The following ENOX1 variants were observed in gnomAD, a reference collection of about 807,000 sequenced individuals.
ENOX1 encodes the protein candidate growth-related and time keeping constitutive hydroquinone (NADH) oxidase.
A neutral mutation model predicts 82.5 loss-of-function variants in ENOX1; 42 were observed. That is an observed-to-expected ratio of 0.51 (90% CI 0.40 to 0.66). ENOX1 has a LOEUF of 0.66. Among genes scored for constraint, ENOX1 ranks in the 30% least tolerant of loss-of-function variants. The pLI is 0.00. For synonymous variants in ENOX1, 271 were observed against 282.2 expected (o/e 0.96, Z 0.40); for missense variants, 608 against 811.6 (o/e 0.75, Z 3.05).
chr13:43,458,948 C>T (rs907257223), intron 3 of ENOX1: 1 of 152,258 alleles, frequency 6.6e-6, no homozygotes, highest in South Asian at 2.1e-4. Flanking sequence ...TATTGACATA[C>T]TTTGGAAAAG....
intron 2 of ENOX1, among the ~76,000 whole-genome samples, chr13:43,498,635 A>G (rs2076874503): frequency 6.6e-6 from 1 of 152,090 alleles, no homozygotes; most frequent in Admixed American, 6.6e-5. Context: ...AAATTTAAAA[A>G]AAAAGATGGA....
In ENOX1 at chr13:43,773,598, A is replaced by G. The variant is rs146274589; in HGVS notation, c.-285+13054T>C. 1.3e-3 allele frequency among the ~76,000 whole-genome samples: 193 copies of G among 152,274 alleles called. No homozygotes were observed. The Middle Eastern group carries it at 0.014, about 11-fold the overall frequency. ...TCTGGACTTCATACTTGGGACTCTC[A>G]CCTGGATAACCCCAACCACCCTTCA... On this transcript the variant is annotated intron_variant, in intron 1 of 16. Coordinates refer to ENST00000690772, the MANE Select transcript of ENOX1 (RefSeq NM_001347969.2).
At chr13:43,382,428 A>C (rs1422491213) in intron 5 of ENOX1, among the ~76,000 whole-genome samples, 3 of 152,158 alleles carry the variant, frequency 2.0e-5, no homozygotes, top group African/African-American at 7.2e-5. Flanking sequence ...GAAACAAGGC[A>C]AGGATATCCA....
intron 15 of ENOX1, among the ~76,000 whole-genome samples, chr13:43,234,726 A>G (rs2042441187): frequency 6.6e-6 from 1 of 152,244 alleles, no homozygotes; most frequent in African/African-American, 2.4e-5. Flanking sequence ...AGCATGTTAT[A>G]AATGTAATCT....
At chr13:43,386,196 T>A (rs1359454764) in intron 5 of ENOX1, among the ~76,000 whole-genome samples, 1 of 152,088 alleles carries the variant, frequency 6.6e-6, no homozygotes, top group Non-Finnish European at 1.5e-5. Flanking sequence ...AAACTTTCCT[T>A]GGTACATTCT....
In ENOX1 at chr13:43,374,667, C is replaced by T. The variant is rs565371807; in HGVS notation, c.209-13215G>A. Among the ~76,000 whole-genome samples, 18 of 152,310 alleles carry T rather than the reference C, an allele frequency of 1.2e-4. No homozygotes were observed. The South Asian group carries it at 3.7e-3, about 32-fold the overall frequency. ...AGAAGCATCTAGTTTTGAATTGTTA[C>T]TATGCTTTTATGCAGTGCTATGTTT... On this transcript the variant is annotated intron_variant, in intron 5 of 16. Coordinates refer to ENST00000690772, the MANE Select transcript of ENOX1 (RefSeq NM_001347969.2).
intron 2 of ENOX1, among the ~76,000 whole-genome samples, chr13:43,493,345 T>C (rs754361041): frequency 2.6e-5 from 4 of 152,190 alleles, no homozygotes; most frequent in Admixed American, 6.5e-5. Context: ...GAGAAGCTGA[T>C]AGCAAGGCTC....
intron 5 of ENOX1, among the ~76,000 whole-genome samples, chr13:43,364,135 C>G (rs2050696128): frequency 6.6e-6 from 1 of 152,122 alleles, no homozygotes; most frequent in Non-Finnish European, 1.5e-5. Flanking sequence ...ATTGTTTTCT[C>G]TAACAGCACA....
chr13:43,666,250 A>C (rs1018325565), intron 2 of ENOX1, among the ~76,000 whole-genome samples: 1 of 152,118 alleles, frequency 6.6e-6, no homozygotes, highest in African/African-American at 2.4e-5. Context: ...GCTCAATAAA[A>C]CCAAGTGAAA....
intron 3 of ENOX1, among the ~76,000 whole-genome samples, chr13:43,463,611 T>C (rs200616853): frequency 2.4e-4 from 36 of 152,192 alleles, no homozygotes; most frequent in Admixed American, 4.6e-4. Flanking sequence ...ACAGTACTTA[T>C]TTCATTTACT....
At chr13:43,480,789 A>G (rs2058476934) in intron 3 of ENOX1, among the ~76,000 whole-genome samples, 1 of 152,172 alleles carries the variant, frequency 6.6e-6, no homozygotes, top group Non-Finnish European at 1.5e-5. Flanking sequence ...ACCTACCAAG[A>G]CTAAATAGAG....
At chr13:43,606,146 A>T (rs1014964461) in intron 2 of ENOX1, among the ~76,000 whole-genome samples, 3 of 152,232 alleles carry the variant, frequency 2.0e-5, no homozygotes, top group African/African-American at 7.2e-5. Context: ...TTTAGCCAAA[A>T]GTCAGGCAAT....
intron 3 of ENOX1, among the ~76,000 whole-genome samples, chr13:43,455,480 T>G (rs143456880): frequency 1.3e-5 from 2 of 152,220 alleles, no homozygotes; most frequent in Non-Finnish European, 2.9e-5. Context: ...AATAGCATTG[T>G]TCCATTTTGA....
intron 12 of ENOX1, among the ~76,000 whole-genome samples, chr13:43,288,804 T>C (rs2045846160): frequency 6.6e-6 from 1 of 152,188 alleles, no homozygotes; most frequent in Non-Finnish European, 1.5e-5. Flanking sequence ...TTTCTATCTT[T>C]AGTTTTTTTT....
chr13:43,619,430 C>T (rs2082628474), intron 2 of ENOX1, among the ~76,000 whole-genome samples: 1 of 152,010 alleles, frequency 6.6e-6, no homozygotes, highest in South Asian at 2.1e-4. Flanking sequence ...CCCTTGTATG[C>T]TGATTTTGCT....
At chr13:43,484,248 T>C (rs2058610130) in intron 2 of ENOX1, 96 bp from the exon 3 acceptor site, 1 of 702,560 alleles carries the variant, frequency 1.4e-6, no homozygotes, top group Non-Finnish European at 1.7e-6. Context: ...ATCAGCATGA[T>C]GTTATTAATT....
chr13:43,455,544 T>C (rs2057185031), intron 3 of ENOX1, among the ~76,000 whole-genome samples: 2 of 152,134 alleles, frequency 1.3e-5, no homozygotes, highest in Admixed American at 1.3e-4. Context: ...TTTTTTCTTG[T>C]TTTCTCCTTC....
chr13:43,401,503 G>A (rs913444248), intron 5 of ENOX1, among the ~76,000 whole-genome samples: 1 of 152,122 alleles, frequency 6.6e-6, no homozygotes, highest in Non-Finnish European at 1.5e-5. Flanking sequence ...GACATCTGGG[G>A]AAACCAATGC....
At chr13:43,453,513 C>G (rs2153632377) in intron 3 of ENOX1, among the ~76,000 whole-genome samples, 1 of 152,260 alleles carries the variant, frequency 6.6e-6, no homozygotes, top group Admixed American at 6.5e-5. Context: ...TGATTAATAT[C>G]TGCGGCAATC....
Sources: gnomAD v4.1 joint callset for allele counts (sites outside exome capture counted in the v4.1 genomes callset) on GRCh38, gnomAD v4.1.1 for gene constraint, MANE v1.5 for transcripts, NCBI Gene and HGNC (gene_info 2026-07-23, HGNC 2026-07-21) for gene names.